Variants in ST6GALNAC3 observed in about 807,000 individuals in gnomAD.
The protein encoded by ST6GALNAC3 is ST6 N-acetylgalactosaminide alpha-2,6-sialyltransferase 3.
A neutral mutation model predicts 32.7 loss-of-function variants in ST6GALNAC3; 25 were observed. The ratio of observed to expected loss-of-function variants is 0.76; its 90% CI spans 0.56 to 1.07. The LOEUF is 1.07. Ranked by LOEUF, ST6GALNAC3 falls within the 50% of genes least tolerant of loss-of-function variation. ST6GALNAC3 has a pLI of 0.00. For synonymous variants in ST6GALNAC3, 129 were observed against 133.1 expected (o/e 0.97, Z 0.21); for missense variants, 355 against 382.4 (o/e 0.93, Z 0.60).
intron 1 of ST6GALNAC3, among the ~76,000 whole-genome samples, chr1:76,251,371 C>CT (rs1283010085): frequency 1.3e-5 from 2 of 152,112 alleles, no homozygotes; most frequent in African/African-American, 4.8e-5. Context: ...CCTGCCAGTT[C>CT]TTTTTTCACA....
intron 3 of ST6GALNAC3, among the ~76,000 whole-genome samples, chr1:76,526,811 G>T (rs1012934477): frequency 6.6e-6 from 1 of 151,774 alleles, no homozygotes; most frequent in East Asian, 1.9e-4. Context: ...ATATTTAATT[G>T]CTGTAGACAC....
At chr1:76,237,409 T>TA (rs1483054947) in intron 1 of ST6GALNAC3, among the ~76,000 whole-genome samples, 2 of 152,210 alleles carry the variant, frequency 1.3e-5, no homozygotes, top group African/African-American at 2.4e-5. Context: ...TGGGATTACA[T>TA]ACGCCTGGTG....
At chr1:76,524,176 C>A (rs1570094719) in intron 3 of ST6GALNAC3, among the ~76,000 whole-genome samples, 1 of 152,152 alleles carries the variant, frequency 6.6e-6, no homozygotes, top group African/African-American at 2.4e-5. Context: ...TTATTTATAT[C>A]AAACTGAAAT....
chr1:76,329,969 C>T (rs928721915), intron 2 of ST6GALNAC3, among the ~76,000 whole-genome samples: 2 of 151,624 alleles, frequency 1.3e-5, no homozygotes, highest in African/African-American at 4.8e-5. Context: ...CCACCATGCC[C>T]AGCTAATTTT....
intron 3 of ST6GALNAC3, among the ~76,000 whole-genome samples, chr1:76,555,658 T>G (rs759456213): frequency 9.2e-5 from 14 of 152,074 alleles, no homozygotes; most frequent in Admixed American, 9.2e-4. Flanking sequence ...ATTGATAGAC[T>G]GAAGAACGAG....
At chr1:76,239,481 C>T (rs1458928340) in intron 1 of ST6GALNAC3, among the ~76,000 whole-genome samples, 1 of 151,982 alleles carries the variant, frequency 6.6e-6, no homozygotes, top group East Asian at 1.9e-4. Context: ...TGGTCAGGAC[C>T]TCAGGAAGAT....
intron 2 of ST6GALNAC3, among the ~76,000 whole-genome samples, chr1:76,399,666 T>G (rs10782620): frequency 0.45 from 68,675 of 152,040 alleles, 15,761 homozygotes; most frequent in African/African-American, 0.51. Flanking sequence ...ATAGATTCAT[T>G]TGAGGATAAT....
chr1:76,179,795 C>T (rs952107282), intron 1 of ST6GALNAC3, among the ~76,000 whole-genome samples: 2 of 152,166 alleles, frequency 1.3e-5, no homozygotes, highest in Non-Finnish European at 2.9e-5. Flanking sequence ...CTCACTTGGC[C>T]AAGCATGCTG....
At chr1:76,255,095 G>C (rs1188375765) in intron 1 of ST6GALNAC3, among the ~76,000 whole-genome samples, 1 of 150,604 alleles carries the variant, frequency 6.6e-6, no homozygotes, top group Non-Finnish European at 1.5e-5. Flanking sequence ...TAGCACAAGT[G>C]ACACCATTCT....
intron 1 of ST6GALNAC3, among the ~76,000 whole-genome samples, chr1:76,136,403 A>G (rs983523046): frequency 3.3e-5 from 5 of 152,254 alleles, no homozygotes; most frequent in Admixed American, 3.3e-4. Flanking sequence ...TTTGCAATCT[A>G]TAATATATCA....
chr1:76,084,400 G>C (rs898073586), intron 1 of ST6GALNAC3, among the ~76,000 whole-genome samples: 1 of 152,202 alleles, frequency 6.6e-6, no homozygotes, highest in East Asian at 1.9e-4. Context: ...CCAAGGGAGT[G>C]CTGCTTTGTG....
At chr1:76,544,342 TC>T (rs1664165830) in intron 3 of ST6GALNAC3, among the ~76,000 whole-genome samples, 1 of 152,080 alleles carries the variant, frequency 6.6e-6, no homozygotes, top group Non-Finnish European at 1.5e-5. Context: ...AAAGAATTCC[TC>T]TGGATGCTAT....
Position 76,075,027 on chromosome 1 carries a change from T to G in ST6GALNAC3, c.18+143T>G. 4 of 1,052,940 alleles carry G rather than the reference T, an allele frequency of 3.8e-6. No homozygotes were observed. The Admixed American group carries it at 6.3e-5, about 16-fold the overall frequency. 65.2% of individuals were successfully genotyped at this position (1,052,940 alleles called of 1,614,324 possible). A position where few individuals can be genotyped will look rare whatever the true frequency, so the allele number is the denominator to read the frequency against. ...ATTTTCTTTTTGTTCCTTTGGCAAA[T>G]GCATATGGAGGGAGATTCTGAAACA... is the stretch of plus-strand genomic sequence containing the variant. On this transcript the variant is annotated intron_variant, in intron 1 of 4. Transcript: ENST00000328299.
chr1:76,144,161 G>A (rs371161115), intron 1 of ST6GALNAC3, among the ~76,000 whole-genome samples: 32 of 152,282 alleles, frequency 2.1e-4, no homozygotes, highest in African/African-American at 6.5e-4. Context: ...GGGCTCAGGA[G>A]TAGCAGGAGG....
At chr1:76,276,070 C>A (rs1659118592) in intron 1 of ST6GALNAC3, among the ~76,000 whole-genome samples, 1 of 152,090 alleles carries the variant, frequency 6.6e-6, no homozygotes, top group Non-Finnish European at 1.5e-5. Flanking sequence ...CTTTGGACAA[C>A]TTTTCAGAAT....
intron 1 of ST6GALNAC3, among the ~76,000 whole-genome samples, chr1:76,277,692 A>T (rs752121292): frequency 6.6e-6 from 1 of 151,514 alleles, no homozygotes; most frequent in African/African-American, 2.4e-5. Flanking sequence ...CTTTAACTTA[A>T]CGTGAAGGAG....
chr1:76,090,745 T>C (rs544617632), intron 1 of ST6GALNAC3, among the ~76,000 whole-genome samples: 7 of 152,150 alleles, frequency 4.6e-5, no homozygotes, highest in Non-Finnish European at 7.3e-5. Flanking sequence ...TGGAAAATGA[T>C]GGGAAGTACT....
chr1:76,503,312 C>G (rs1053139290), intron 3 of ST6GALNAC3, among the ~76,000 whole-genome samples: 4 of 152,232 alleles, frequency 2.6e-5, no homozygotes, highest in Non-Finnish European at 5.9e-5. Flanking sequence ...CTGCCCAACT[C>G]CCCTCCATTT....
At chr1:76,212,668 T>C (rs1299926485) in intron 1 of ST6GALNAC3, among the ~76,000 whole-genome samples, 1 of 152,170 alleles carries the variant, frequency 6.6e-6, no homozygotes, top group Admixed American at 6.5e-5. Context: ...TGAATTTTTT[T>C]TTCCCCGCTA....
Sources: allele counts gnomAD v4.1 joint callset (sites outside exome capture counted in the v4.1 genomes callset), GRCh38; gene constraint gnomAD v4.1.1; transcripts MANE v1.5; gene names NCBI Gene and HGNC (gene_info 2026-07-23, HGNC 2026-07-21).